The following TMEM131 variants were observed in gnomAD, a reference collection of about 807,000 sequenced individuals.
The protein encoded by TMEM131 is transmembrane protein 131.
Under a neutral mutation model 211.6 loss-of-function variants are expected in TMEM131, and 66 were observed. The ratio of observed to expected loss-of-function variants is 0.31; its 90% confidence interval spans 0.26 to 0.38. The LOEUF (loss-of-function observed/expected upper bound fraction) is 0.38. Ranked by LOEUF, TMEM131 falls within the 10% of genes least tolerant of loss-of-function variation. The pLI is 1.00. For synonymous variants in TMEM131, 844 were observed against 841.3 expected, an observed-to-expected ratio of 1.00 and a Z score of -0.06; for missense variants, 2,036 against 2,299.3, an observed-to-expected ratio of 0.89 and a Z score of 2.34.
At chr2:97,811,923 GCT>G (rs548432038) in intron 17 of TMEM131, among the ~76,000 whole-genome samples, 2,014 of 152,198 alleles carry the variant, frequency 0.013, 20 homozygotes, top group Non-Finnish European at 0.021. Context: ...CTTGTTTAGC[GCT>G]CTCTGACAAC....
rs534488589 is a variant in TMEM131, at chr2:97,992,077, C to G, written c.187+3399G>C. On this transcript the variant is annotated intron_variant, in intron 1 of 40. Coordinates refer to ENST00000186436, the MANE Select transcript of TMEM131 (RefSeq NM_015348.2). Reference sequence around the variant, plus strand: ...AGTGAAGCACTTATTAAATAACATTCTATTTACAAGGCCCTAAATTAAAAG... The same window carrying G: ...AGTGAAGCACTTATTAAATAACATTGTATTTACAAGGCCCTAAATTAAAAG... 1.2e-4 allele frequency among the ~76,000 whole-genome samples: 19 copies of G among 152,306 alleles called. 1 individual carries two copies. The East Asian group carries it at 3.7e-3, about 29-fold the overall frequency.
At chr2:97,806,616 A>G (rs1205481008) in intron 19 of TMEM131, among the ~76,000 whole-genome samples, 1 of 152,214 alleles carries the variant, frequency 6.6e-6, no homozygotes, top group Non-Finnish European at 1.5e-5. Flanking sequence ...TACCAGTCAC[A>G]AGCTTCTGTC....
intron 3 of TMEM131, among the ~76,000 whole-genome samples, chr2:97,901,973 A>G (rs906174631): frequency 6.6e-6 from 1 of 152,212 alleles, no homozygotes; most frequent in African/African-American, 2.4e-5. Context: ...ACACAAAGAA[A>G]TGATAAATGT....
intron 11 of TMEM131, among the ~76,000 whole-genome samples, chr2:97,826,123 C>A (rs931464912): frequency 6.6e-6 from 1 of 152,138 alleles, no homozygotes; most frequent in South Asian, 2.1e-4. Flanking sequence ...CTGAACTTAA[C>A]CTATATACTG....
rs948874318 is a variant in TMEM131 at position 97,812,662 on chromosome 2, T to C, written c.1705A>G (p.Ile569Val). The change falls in exon 16 of 41, where the codon ATT becomes GTT. Residue 569 changes from isoleucine (I) to valine (V), a missense_variant. Physicochemically the swap from Ile to Val is conservative, Grantham distance 29. Around this residue, in one of 3 missense-constraint regions of TMEM131, gnomAD observed 1,623 missense variants for 1,805.9 expected, o/e 0.90. Coordinates refer to ENST00000186436, the MANE Select transcript of TMEM131 (RefSeq NM_015348.2). ...ATEASNILFA[I>V]INSNPIELAI... is the part of the protein sequence containing the mutation. ...ACCTCAATTGGATTGCTGTTTATAA[T>C]TGCAAATAAAATATTACTTGCTTCT... is the stretch of plus-strand genomic sequence containing the variant. The C allele has an allele frequency of 3.8e-6, 6 of 1,594,928 alleles. No homozygotes were observed. Among genetic ancestry groups the C allele is most frequent in the Non-Finnish European group, 4.3e-6 (5 of 1,174,250 alleles).
intron 1 of TMEM131, among the ~76,000 whole-genome samples, chr2:97,985,019 A>G (rs1161883004): frequency 6.6e-6 from 1 of 152,142 alleles, no homozygotes; most frequent in African/African-American, 2.4e-5. Context: ...TAAAAAGGTC[A>G]TAAAATAACT....
rs1038584255 is a variant in TMEM131, at chr2:97,946,524, C to T, written c.188-19037G>A. 4.6e-5 allele frequency among the ~76,000 whole-genome samples: 7 copies of T among 151,962 alleles called. No homozygotes were observed. In the East Asian group the frequency reaches 1.2e-3, roughly 25 times the overall value. Reference sequence around the variant, plus strand: ...CAAATTCCTTCAAAGACTCAAAATACCAAAGGTCACTCACAAAAAACTAGC... The same window carrying T: ...CAAATTCCTTCAAAGACTCAAAATATCAAAGGTCACTCACAAAAAACTAGC... On this transcript the variant is annotated intron_variant, in intron 1 of 40. Coordinates refer to ENST00000186436, the MANE Select transcript of TMEM131 (RefSeq NM_015348.2).
intron 1 of TMEM131, among the ~76,000 whole-genome samples, chr2:97,939,073 G>A (rs1306587443): frequency 1.3e-5 from 2 of 152,194 alleles, no homozygotes; most frequent in Admixed American, 1.3e-4. Context: ...ACAAGAGAAA[G>A]CAGGAAAGAT....
chr2:97,903,097 G>A (rs1451037204), intron 3 of TMEM131, among the ~76,000 whole-genome samples: 1 of 152,154 alleles, frequency 6.6e-6, no homozygotes, highest in African/African-American at 2.4e-5. Flanking sequence ...GGCACATAAA[G>A]ATTAATTTTT....
At position 97,792,948 on chromosome 2, in the gene TMEM131, C is replaced by T; in HGVS notation, c.3582G>A (p.Arg1194=). The T allele has an allele frequency of 6.2e-7, 1 of 1,602,696 alleles. No individual in the cohort carries two copies. Among genetic ancestry groups the T allele is most frequent in the South Asian group, 1.1e-5 (1 of 89,990 alleles). The stretch of plus-strand genomic sequence containing the variant: ...ATGAACCGCCTGCTCCACAGAACCC[C>T]CTACTGTGACCGGGGTCACAGCTGA... ...NTLSCDPGHS[R]GFCGAGGSSS... Residue 1194 remains arginine, a synonymous_variant, in exon 31 of 41, where the codon AGG becomes AGA. Transcript: ENST00000186436.
At chr2:97,892,280 C>G (rs116057610) in intron 3 of TMEM131, among the ~76,000 whole-genome samples, 4,229 of 152,216 alleles carry the variant, frequency 0.028, 65 homozygotes, top group Middle Eastern at 0.065. Context: ...TTACCCTGGT[C>G]CTGGTTTACC....
chr2:97,759,114 A>G, intron 39 of TMEM131, 61 bp from the exon 40 acceptor site: 1 of 1,599,026 alleles, frequency 6.3e-7, no homozygotes, highest in South Asian at 1.1e-5. Flanking sequence ...ACTATAGCAT[A>G]TGGGGCTTCA....
At chr2:97,821,473 C>T (rs542447183) in intron 11 of TMEM131, among the ~76,000 whole-genome samples, 2 of 152,182 alleles carry the variant, frequency 1.3e-5, no homozygotes, top group African/African-American at 2.4e-5. Flanking sequence ...AAGCTTTGTT[C>T]TTTCACTCTT....
At chr2:97,952,711 T>C (rs1559471188) in intron 1 of TMEM131, among the ~76,000 whole-genome samples, 1 of 151,926 alleles carries the variant, frequency 6.6e-6, no homozygotes, top group Non-Finnish European at 1.5e-5. Context: ...ACTACATCAC[T>C]ACAAAAAAAT....
chr2:97,974,492 C>A (rs1333738796), intron 1 of TMEM131, among the ~76,000 whole-genome samples: 1 of 151,372 alleles, frequency 6.6e-6, no homozygotes, highest in Non-Finnish European at 1.5e-5. Context: ...ATCCAGAGAT[C>A]CAAGAAGCTC....
intron 1 of TMEM131, among the ~76,000 whole-genome samples, chr2:97,988,596 A>G (rs923404674): frequency 6.6e-6 from 1 of 152,210 alleles, no homozygotes; most frequent in Non-Finnish European, 1.5e-5. Flanking sequence ...AAACCTGAAT[A>G]TAACGTGGGC....
intron 3 of TMEM131, among the ~76,000 whole-genome samples, chr2:97,896,415 T>C (rs1675613574): frequency 6.6e-6 from 1 of 152,166 alleles, no homozygotes; most frequent in East Asian, 1.9e-4. Flanking sequence ...CTGAATATCC[T>C]TGTTAATTTT....
At chr2:97,984,425 G>A (rs554530410) in intron 1 of TMEM131, among the ~76,000 whole-genome samples, 4 of 152,074 alleles carry the variant, frequency 2.6e-5, no homozygotes, top group African/African-American at 7.2e-5. Context: ...AGTACTGGAG[G>A]CTGGGTAATT....
chr2:97,970,606 T>G (rs1679254432), intron 1 of TMEM131, among the ~76,000 whole-genome samples: 1 of 152,102 alleles, frequency 6.6e-6, no homozygotes, highest in Non-Finnish European at 1.5e-5. Flanking sequence ...CTTGACCTCA[T>G]CTATTCACCA....
Sources: allele counts gnomAD v4.1 joint callset (sites outside exome capture counted in the v4.1 genomes callset), GRCh38; gene constraint gnomAD v4.1.1; regional missense constraint gnomAD v4.1.1; transcripts MANE v1.5; gene names NCBI Gene and HGNC (gene_info 2026-07-23, HGNC 2026-07-21).